DLGAP2: variants seen among roughly 807,000 people sequenced by gnomAD.
The protein encoded by DLGAP2 is disks large-associated protein 2.
DLGAP2 carries 26 observed loss-of-function variants against 100.3 expected under a neutral mutation model. The ratio of observed to expected loss-of-function variants is 0.26; its 90% CI spans 0.19 to 0.36. DLGAP2 has a LOEUF of 0.36. DLGAP2 is among the 10% of genes least tolerant of loss of function. DLGAP2 has a pLI of 1.00. For missense variants in DLGAP2, 1,858 were observed against 1,453.2 expected (o/e 1.28, Z -4.53); for synonymous variants, 886 against 630.1 (o/e 1.41, Z -6.08).
intron 3 of DLGAP2, among the ~76,000 whole-genome samples, chr8:1,470,573 C>G (rs1207977936): frequency 6.6e-6 from 1 of 152,294 alleles, no homozygotes; most frequent in African/African-American, 2.4e-5. Context: ...ATTCTATTCT[C>G]TCTTAAATAT....
At chr8:1,153,334 C>T (rs924777089) in intron 2 of DLGAP2, among the ~76,000 whole-genome samples, 1 of 152,184 alleles carries the variant, frequency 6.6e-6, no homozygotes, top group Non-Finnish European at 1.5e-5. Flanking sequence ...AACTTGCCTA[C>T]CTCAAGAGCT....
In DLGAP2 at chr8:828,907, A is replaced by G. The variant is rs556086470; in HGVS notation, c.19-79005A>G. Among the ~76,000 whole-genome samples the G allele has an allele frequency of 3.9e-5, 6 of 152,332 alleles. No individual in the cohort carries two copies. In the East Asian group the frequency reaches 7.7e-4, roughly 20 times the overall value. Reference sequence around the variant, plus strand: ...TTTATTATTCTCAGGGTCTATATGTAATGGATTCATGTTCCAAGAAGCAAC... The same window carrying G: ...TTTATTATTCTCAGGGTCTATATGTGATGGATTCATGTTCCAAGAAGCAAC... On this transcript the variant is annotated intron_variant, in intron 1 of 14. Transcript: ENST00000637795.
chr8:1,005,810 C>T (rs78176149), intron 2 of DLGAP2, among the ~76,000 whole-genome samples: 1,736 of 152,180 alleles, frequency 0.011, 13 homozygotes, highest in African/African-American at 0.012. Flanking sequence ...TTGAGTGTCC[C>T]TGTTGAAATT....
intron 2 of DLGAP2, among the ~76,000 whole-genome samples, chr8:1,060,567 C>G (rs1268137399): frequency 6.6e-6 from 1 of 152,222 alleles, no homozygotes; most frequent in Non-Finnish European, 1.5e-5. Context: ...AGGGCCTGCT[C>G]TAATCCAGGA....
chr8:1,364,511 T>TGG (rs1056686344), intron 3 of DLGAP2, among the ~76,000 whole-genome samples: 2 of 146,774 alleles, frequency 1.4e-5, no homozygotes, highest in African/African-American at 5.1e-5. Flanking sequence ...GCGGGGGGGG[T>TGG]GCAGCGAAGC....
intron 2 of DLGAP2, among the ~76,000 whole-genome samples, chr8:1,158,499 A>T (rs1314425010): frequency 2.0e-5 from 3 of 152,242 alleles, no homozygotes; most frequent in African/African-American, 7.2e-5. Context: ...TGTAATAATT[A>T]TACCTTTCCA....
In DLGAP2 at chr8:789,313, C is replaced by T. The variant is rs995935493; in HGVS notation, c.18+51488C>T. On this transcript the variant is annotated intron_variant, in intron 1 of 14. Transcript: ENST00000637795. Reference sequence around the variant, plus strand: ...GGAAACTTACAACCATGGCGGAAGGCGAAGGGGAAGTAGGCATATCCCGCA... The same window carrying T: ...GGAAACTTACAACCATGGCGGAAGGTGAAGGGGAAGTAGGCATATCCCGCA... Among the ~76,000 whole-genome samples the T allele has an allele frequency of 6.6e-5, 10 of 152,104 alleles. 1 individual carries two copies. The South Asian group carries it at 1.2e-3, about 19-fold the overall frequency.
chr8:841,520 T>G (rs1796983567), intron 1 of DLGAP2, among the ~76,000 whole-genome samples: 1 of 152,216 alleles, frequency 6.6e-6, no homozygotes, highest in Admixed American at 6.5e-5. Context: ...GGGTGTACGT[T>G]GCTACATGAA....
chr8:1,695,350 A>C (rs1211866393), intron 13 of DLGAP2, among the ~76,000 whole-genome samples: 2 of 135,660 alleles, frequency 1.5e-5, no homozygotes, highest in South Asian at 2.2e-4. Context: ...CTACAGAAAG[A>C]GGGGGCACAG....
chr8:1,621,717 G>C (rs1186283742), intron 6 of DLGAP2: 1 of 152,376 alleles, frequency 6.6e-6, no homozygotes, highest in Admixed American at 6.6e-5. Flanking sequence ...TGGCATTTCC[G>C]AGCCTCTGCG....
chr8:1,517,659 G>A (rs995687995), intron 4 of DLGAP2, among the ~76,000 whole-genome samples: 5 of 152,194 alleles, frequency 3.3e-5, no homozygotes, highest in Middle Eastern at 3.2e-3. Context: ...CAGCAGAAGG[G>A]CCTCCCGTTT....
At chr8:1,293,470 T>C (rs1338036386) in intron 3 of DLGAP2, among the ~76,000 whole-genome samples, 1 of 152,208 alleles carries the variant, frequency 6.6e-6, no homozygotes, top group Non-Finnish European at 1.5e-5. Context: ...TTTTCTGGGC[T>C]CCAGTGCAGC....
intron 1 of DLGAP2, among the ~76,000 whole-genome samples, chr8:775,817 TG>T (rs1821500185): frequency 6.9e-6 from 1 of 145,626 alleles, no homozygotes; most frequent in Non-Finnish European, 1.5e-5. Flanking sequence ...TTCTCTTTTT[TG>T]GTTGTGTCTC....
At chr8:762,739 C>G (rs1230194846) in intron 1 of DLGAP2, among the ~76,000 whole-genome samples, 1 of 152,052 alleles carries the variant, frequency 6.6e-6, no homozygotes, top group Non-Finnish European at 1.5e-5. Flanking sequence ...GCACAGTCAC[C>G]ACAATCACAG....
chr8:1,578,871 C>G (rs964569410), intron 6 of DLGAP2, among the ~76,000 whole-genome samples: 3 of 152,148 alleles, frequency 2.0e-5, no homozygotes, highest in Non-Finnish European at 2.9e-5. Flanking sequence ...GGTCAGATTC[C>G]CAGGGCTGAT....
intron 2 of DLGAP2, among the ~76,000 whole-genome samples, chr8:1,146,763 G>A (rs143575614): frequency 2.2e-4 from 33 of 152,320 alleles, no homozygotes; most frequent in Middle Eastern, 6.8e-3. Flanking sequence ...CTATTGAAAG[G>A]ACAAGCCGTC....
chr8:1,668,257 G>T, intron 8 of DLGAP2, 72 bp from the exon 9 acceptor site: 2 of 1,365,760 alleles, frequency 1.5e-6, no homozygotes, highest in African/African-American at 1.5e-5. Flanking sequence ...GGGCATGGGC[G>T]TGGGGAAACA....
intron 2 of DLGAP2, among the ~76,000 whole-genome samples, chr8:1,197,374 C>G (rs1278389080): frequency 6.6e-6 from 1 of 152,248 alleles, no homozygotes; most frequent in Non-Finnish European, 1.5e-5. Context: ...GTCTCAATAC[C>G]TGAGCCTTTT....
At chr8:925,951 C>T (rs1443053294) in intron 2 of DLGAP2, among the ~76,000 whole-genome samples, 5 of 152,248 alleles carry the variant, frequency 3.3e-5, no homozygotes, top group East Asian at 3.9e-4. Flanking sequence ...ACAGGAGGAG[C>T]GGATATGTCA....
Sources: gnomAD v4.1 joint callset for allele counts (sites outside exome capture counted in the v4.1 genomes callset) on GRCh38, gnomAD v4.1.1 for gene constraint, MANE v1.5 for transcripts, NCBI Gene and HGNC (gene_info 2026-07-23, HGNC 2026-07-21) for gene names.